The following PARVG variants were observed in gnomAD, a reference collection of about 807,000 sequenced individuals.
PARVG encodes the protein parvin gamma.
A neutral mutation model predicts 44.4 loss-of-function variants in PARVG; 36 were observed. The observed-to-expected ratio is 0.81, with a 90% confidence interval of 0.62 to 1.07. PARVG has a LOEUF of 1.07. Among genes scored for constraint, PARVG ranks in the 50% least tolerant of loss-of-function variants. The pLI is 0.00. For missense variants in PARVG, 407 were observed against 407.4 expected (o/e 1.00, Z 0.01); for synonymous variants, 170 against 174.1 (o/e 0.98, Z 0.19).
rs544427122 is a variant in PARVG, at chr22:44,191,026, C to A, written c.504+360C>A. On this transcript the variant is annotated intron_variant, in intron 7 of 13. Transcript: ENST00000444313. ...TTCATTGCCACGGGGAGCCTTCACGCCCTGAGCAAAACCAATGCTCTCACC... is the reference window on the plus strand; with the variant it reads ...TTCATTGCCACGGGGAGCCTTCACGACCTGAGCAAAACCAATGCTCTCACC... Among the ~76,000 whole-genome samples, 15 of 152,334 alleles carry A rather than the reference C, an allele frequency of 9.8e-5. No individual in the cohort carries two copies. In the East Asian group the frequency reaches 2.5e-3, roughly 25 times the overall value.
rs1174781639 is a variant in PARVG, at chr22:44,181,933, G to A, written c.-13+16G>A. 3 of 985,462 alleles carry A rather than the reference G, an allele frequency of 3.0e-6. No homozygotes were observed. The highest frequency in any genetic ancestry group is 2.4e-6 in the Non-Finnish European group (2 of 830,072). The allele number at this position is 985,462 out of a possible 1,614,324, so 61.0% of individuals were successfully genotyped here. ...AAGCGGTTGGGTGAGTTCTGGCATC[G>A]GGGCCACCATACTTGAGTGTTGGGG... is the stretch of plus-strand genomic sequence containing the variant. On this transcript the variant is annotated intron_variant, in intron 2 of 13. Transcript: ENST00000444313.
Position 44,187,824 on chromosome 22 carries a change from G to A in PARVG, c.193G>A (p.Val65Ile). The A allele has an allele frequency of 3.1e-6, 5 of 1,614,262 alleles. No homozygotes were observed. Among genetic ancestry groups the A allele is most frequent in the Non-Finnish European group, 4.2e-6 (5 of 1,180,050 alleles). Residue 65 changes from valine (V) to isoleucine (I), a missense_variant, in exon 5 of 14, where the codon GTC becomes ATC. Physicochemically the swap from Val to Ile is conservative, Grantham distance 29. Coordinates refer to ENST00000444313, the MANE Select transcript of PARVG (RefSeq NM_022141.7). Reference protein sequence around the residue: ...NATLLPEHIVVRSLEEDMFDG... With the variant: ...NATLLPEHIVIRSLEEDMFDG... Reference sequence around the variant, plus strand: ...CACTCTTCTCCCCGAGCACATTGTGGTCCGCAGCCTGGAGGAGGACATGTT... The same window carrying A: ...CACTCTTCTCCCCGAGCACATTGTGATCCGCAGCCTGGAGGAGGACATGTT...
chr22:44,190,427 T>C, intron 6 of PARVG, 124 bp from the exon 7 acceptor site: 1 of 701,366 alleles, frequency 1.4e-6, no homozygotes, highest in South Asian at 1.6e-5. Flanking sequence ...ATCTCTGCTC[T>C]CCAGAAGGCT....
rs199729684 is a variant in PARVG, at chr22:44,187,751, A to G, written c.145-25A>G. ...CAGGTGAGAAGTCTCCATCCCCCCA[A>G]AAGTTGTCCCCTTGGAGCCTGCAGG... On this transcript the variant is annotated intron_variant, in intron 4 of 13. Coordinates refer to ENST00000444313, the MANE Select transcript of PARVG (RefSeq NM_022141.7). 7.9e-4 allele frequency: 1,281 copies of G among 1,613,228 alleles called. 6 individuals are homozygous for G. The highest frequency in any genetic ancestry group is 7.8e-3 in the Middle Eastern group (47 of 6,062).
At chr22:44,197,769 G>A (rs2054638305) in intron 11 of PARVG, among the ~76,000 whole-genome samples, 1 of 152,162 alleles carries the variant, frequency 6.6e-6, no homozygotes, top group Non-Finnish European at 1.5e-5. Context: ...GAGCTGGTGA[G>A]CCCCACGTGT....
intron 6 of PARVG, 69 bp from the exon 7 acceptor site, chr22:44,190,482 G>A (rs934795444): frequency 8.5e-7 from 1 of 1,170,046 alleles, no homozygotes; most frequent in African/African-American, 1.5e-5. Context: ...CTGACAGTGA[G>A]GAAGCCTCCA....
chr22:44,187,657 T>A, intron 4 of PARVG, 119 bp from the exon 5 acceptor site: 12 of 910,242 alleles, frequency 1.3e-5, no homozygotes, highest in Non-Finnish European at 1.8e-5. Context: ...AGGTGACATT[T>A]GACCAGGCCT....
At chr22:44,173,252 A>G in intron 1 of PARVG, 1 of 1,173,266 alleles carries the variant, frequency 8.5e-7, no homozygotes, top group African/African-American at 1.6e-5. Context: ...GCACAAAGCT[A>G]GCGGCCAGGA....
At chr22:44,178,370 G>A (rs946339639), upstream of PARVG, among the ~76,000 whole-genome samples, 20 of 152,320 alleles carry the variant, frequency 1.3e-4, no homozygotes, top group African/African-American at 4.3e-4. Context: ...GTGCTGTAGT[G>A]AGGGGGACCC....
chr22:44,182,516 G>A lies in PARVG; in HGVS notation c.-13+599G>A, dbSNP rs2054397959. On this transcript the variant is annotated intron_variant, in intron 2 of 13. Coordinates refer to ENST00000444313, the MANE Select transcript of PARVG (RefSeq NM_022141.7). This position sits in a 1 kb window ranked among gnomAD's most constrained non-coding sequence, Gnocchi z 4.6. ...GTGTGACATGGGTGGCTCCAGTCGA[G>A]TGAATGCCTCCGTCTCCCACAGCTC... is the stretch of plus-strand genomic sequence containing the variant. Among the ~76,000 whole-genome samples the A allele has an allele frequency of 6.6e-6, 1 of 152,202 alleles. No homozygotes were observed. The highest frequency in any genetic ancestry group is 2.4e-5 in the African/African-American group (1 of 41,466).
chr22:44,201,797 G>A (rs1320751096), intron 12 of PARVG, among the ~76,000 whole-genome samples: 2 of 152,074 alleles, frequency 1.3e-5, no homozygotes, highest in African/African-American at 2.4e-5. Flanking sequence ...TCAGGCTGTC[G>A]TGGCTGGGTG....
At position 44,182,465 on chromosome 22, in the gene PARVG, C is replaced by T. The variant is rs749083451; in HGVS notation, c.-13+548C>T. On this transcript the variant is annotated intron_variant, in intron 2 of 13. Transcript: ENST00000444313. This position sits in a 1 kb window ranked among gnomAD's most constrained non-coding sequence, Gnocchi z 4.6. The stretch of plus-strand genomic sequence containing the variant: ...TGCTACAGGGCAGGATGGAGTCTGG[C>T]ATCCCCCGCCCCAGGCTGGCTGCTG... Among the ~76,000 whole-genome samples the T allele has an allele frequency of 2.6e-5, 4 of 152,152 alleles. No individual in the cohort carries two copies. The highest frequency in any genetic ancestry group is 6.5e-5 in the Admixed American group (1 of 15,288).
chr22:44,193,973 CTCTT>C, intron 9 of PARVG, 150 bp downstream of exon 9: 4 of 1,024,746 alleles, frequency 3.9e-6, no homozygotes, highest in Non-Finnish European at 4.3e-6. Context: ...TCATTTGTCC[CTCTT>C]TCTGTCTGTC....
intron 11 of PARVG, among the ~76,000 whole-genome samples, chr22:44,198,132 G>A (rs893414578): frequency 1.3e-5 from 2 of 152,216 alleles, no homozygotes; most frequent in Admixed American, 6.5e-5. Flanking sequence ...ATCCCATCCT[G>A]TGTTTTGTAT....
At chr22:44,174,966 A>T in intron 1 of PARVG, among the ~76,000 whole-genome samples, 1 of 151,754 alleles carries the variant, frequency 6.6e-6, no homozygotes, top group Non-Finnish European at 1.5e-5. Flanking sequence ...TACTAAATAT[A>T]AAAAAATTAG....
upstream of PARVG, among the ~76,000 whole-genome samples, chr22:44,179,119 G>C (rs1021572413): frequency 9.2e-6 from 1 of 108,190 alleles, no homozygotes; most frequent in Non-Finnish European, 1.8e-5. This position sits in a 1 kb window ranked among gnomAD's most constrained non-coding sequence, Gnocchi z 4.2. Flanking sequence ...ATTTCACACC[G>C]TGTCTCTGAA....
At chr22:44,202,747 G>C (rs750543414) in intron 12 of PARVG, among the ~76,000 whole-genome samples, 15 of 152,262 alleles carry the variant, frequency 9.9e-5, no homozygotes. Flanking sequence ...TCTTGGCAGA[G>C]TAGCCTCTTG....
At chr22:44,198,846 C>G in intron 12 of PARVG, 124 bp downstream of exon 12, 1 of 720,198 alleles carries the variant, frequency 1.4e-6, no homozygotes, top group Non-Finnish European at 2.4e-6. Context: ...GCTTATTTGT[C>G]TATATGTCTG....
At chr22:44,181,363 G>A (rs2054373496) in intron 1 of PARVG, 178 bp downstream of exon 1, 4 of 985,416 alleles carry the variant, frequency 4.1e-6, no homozygotes, top group Non-Finnish European at 4.8e-6. Context: ...CTGCAGCCGA[G>A]AGTCCAGGTA....
Sources: allele counts gnomAD v4.1 joint callset (sites outside exome capture counted in the v4.1 genomes callset), GRCh38; gene constraint gnomAD v4.1.1; non-coding constraint Gnocchi (gnomAD v3.1); transcripts MANE v1.5; gene names NCBI Gene and HGNC (gene_info 2026-07-23, HGNC 2026-07-21).